PMM2: variants seen among roughly 807,000 people sequenced by gnomAD.
PMM2 encodes the protein mannose-6-phosphate isomerase.
PMM2 carries 35 observed loss-of-function variants against 33.2 expected under a neutral mutation model. The observed-to-expected ratio is 1.06, with a 90% CI of 0.81 to 1.40. PMM2 has a LOEUF of 1.40. PMM2 is among the 40% of genes most tolerant of loss of function. The probability of loss-of-function intolerance (pLI) is 0.00; values close to 1 mark genes in which losing one functional copy is unlikely to be tolerated. For synonymous variants in PMM2, 153 were observed against 114.7 expected (o/e 1.33, Z -2.13); for missense variants, 386 against 306.0 (o/e 1.26, Z -1.95).
intron 4 of PMM2, among the ~76,000 whole-genome samples, chr16:8,807,198 C>T (rs1256789668): frequency 6.9e-6 from 1 of 145,770 alleles, no homozygotes; most frequent in Admixed American, 6.9e-5. Context: ...GTAGAGATGG[C>T]ATTTCACTCT....
chr16:8,832,454 C>T, intron 7 of PMM2: 1 of 985,412 alleles, frequency 1.0e-6, no homozygotes, highest in African/African-American at 1.7e-5. Context: ...CACCTCCCCA[C>T]CAGCCCCCAG....
At chr16:8,801,746 C>G in intron 1 of PMM2, 53 bp from the exon 2 acceptor site, 1 of 1,114,290 alleles carries the variant, frequency 9.0e-7, no homozygotes, top group South Asian at 1.3e-5. Flanking sequence ...GAGTTTTGGT[C>G]TCCTGATTAT....
At chr16:8,828,318 A>T (rs1596497746) in intron 7 of PMM2, among the ~76,000 whole-genome samples, 2 of 152,234 alleles carry the variant, frequency 1.3e-5, no homozygotes, top group East Asian at 3.9e-4. Context: ...ATGGTGGGGA[A>T]AGAATCAATA....
intron 7 of PMM2, among the ~76,000 whole-genome samples, chr16:8,837,570 C>T (rs1030158085): frequency 6.7e-6 from 1 of 149,284 alleles, no homozygotes; most frequent in East Asian, 2.0e-4. Flanking sequence ...GGGGTTGGGG[C>T]ACGGAAATAA....
In PMM2 at chr16:8,847,888, GC is replaced by G; in HGVS notation, c.*65del. The G allele has an allele frequency of 7.7e-7, 1 of 1,294,512 alleles. No individual in the cohort carries two copies. Among genetic ancestry groups the G allele is most frequent in the Non-Finnish European group, 1.1e-6 (1 of 901,008 alleles). 80.2% of individuals were successfully genotyped at this position (1,294,512 alleles called of 1,614,324 possible). On this transcript the variant is annotated 3_prime_UTR_variant, in exon 8 of 8. Coordinates refer to ENST00000268261, the MANE Select transcript of PMM2 (RefSeq NM_000303.3). ...CAGCATAGGGCATTCGGTGGCCAGA[GC>G]CGAGGGTCCTCCCACACGTGCTCAC...
At chr16:8,834,131 C>CT in intron 7 of PMM2, among the ~76,000 whole-genome samples, 1 of 152,280 alleles carries the variant, frequency 6.6e-6, no homozygotes, top group South Asian at 2.1e-4. Context: ...TGGGCTGTAC[C>CT]TTGTAGCATT....
chr16:8,807,497 T>G (rs1362132127), intron 4 of PMM2: 3 of 152,362 alleles, frequency 2.0e-5, no homozygotes, highest in East Asian at 3.9e-4. Flanking sequence ...GTTTTTTGTT[T>G]TGTTTTGTTT....
intron 7 of PMM2, among the ~76,000 whole-genome samples, chr16:8,818,061 G>A (rs908046293): frequency 2.6e-5 from 4 of 151,982 alleles, no homozygotes; most frequent in African/African-American, 4.8e-5. Flanking sequence ...CCACCACCAC[G>A]CCCGGCTAAT....
chr16:8,804,042 T>TTTTTTG (rs1567157644), intron 2 of PMM2, among the ~76,000 whole-genome samples: 4 of 139,590 alleles, frequency 2.9e-5, no homozygotes, highest in East Asian at 2.0e-4. Context: ...TTTTTTTTTT[T>TTTTTTG]TTTTTTTTTG....
chr16:8,839,659 C>G (rs968267820), intron 7 of PMM2, among the ~76,000 whole-genome samples: 7 of 151,984 alleles, frequency 4.6e-5, no homozygotes, highest in Non-Finnish European at 1.0e-4. Flanking sequence ...TTAAGTTTGT[C>G]AGTATTGATA....
In PMM2 at chr16:8,797,948, G is replaced by C. The variant is rs768168991; in HGVS notation, c.66G>C (p.Gln22His). The change falls in exon 1 of 8, where the codon CAG (glutamine) becomes CAC (histidine). Residue 22 changes from glutamine to histidine, a missense_variant and splice_region_variant. By Grantham distance (24) the Gln-to-His change is conservative. Coordinates refer to ENST00000268261, the MANE Select transcript of PMM2 (RefSeq NM_000303.3). Reference protein sequence around the residue: ...DVDGTLTAPRQKITKEMDDFL... With the variant: ...DVDGTLTAPRHKITKEMDDFL... ...ATGGGACCCTCACCGCCCCGCGGCA[G>C]GTAAGTGGCGGCCGGCGGGCTGCTG... 6.2e-7 allele frequency: 1 copy of C among 1,601,648 alleles called. No homozygotes were observed. Among genetic ancestry groups the C allele is most frequent in the South Asian group, 1.1e-5 (1 of 89,096 alleles).
At chr16:8,800,307 G>C (rs1055621251) in intron 1 of PMM2, among the ~76,000 whole-genome samples, 11 of 149,412 alleles carry the variant, frequency 7.4e-5, no homozygotes, top group African/African-American at 2.7e-4. Flanking sequence ...GTTGCAATGA[G>C]CCGAGACCAC....
chr16:8,843,452 G>T (rs540283234), intron 7 of PMM2, among the ~76,000 whole-genome samples: 2 of 152,298 alleles, frequency 1.3e-5, no homozygotes, highest in African/African-American at 4.8e-5. Flanking sequence ...CCGATTTCCA[G>T]TGGGGTCCCG....
intron 7 of PMM2, chr16:8,832,238 C>A: frequency 2.0e-6 from 2 of 985,370 alleles, no homozygotes; most frequent in Non-Finnish European, 2.4e-6. Context: ...GAAAGGAAGG[C>A]CTGAGGCAGG....
At chr16:8,833,347 G>A (rs1189623402) in intron 7 of PMM2, among the ~76,000 whole-genome samples, 2 of 152,156 alleles carry the variant, frequency 1.3e-5, no homozygotes, top group South Asian at 2.1e-4. Context: ...TCACAATGGT[G>A]GGATGTCATC....
chr16:8,846,244 A>G (rs2060925038), intron 7 of PMM2, among the ~76,000 whole-genome samples: 1 of 151,918 alleles, frequency 6.6e-6, no homozygotes, highest in Non-Finnish European at 1.5e-5. Context: ...AAATGAAAAC[A>G]CTCATTTCCA....
chr16:8,837,671 C>T (rs2060859600), intron 7 of PMM2, among the ~76,000 whole-genome samples: 1 of 151,690 alleles, frequency 6.6e-6, no homozygotes, highest in Non-Finnish European at 1.5e-5. Context: ...TTACCCCTCC[C>T]CTAGAAAAGC....
At chr16:8,834,867 G>C (rs1414294874) in intron 7 of PMM2, among the ~76,000 whole-genome samples, 57 of 152,162 alleles carry the variant, frequency 3.7e-4, no homozygotes, top group African/African-American at 1.2e-3. Context: ...GAGAGATACA[G>C]TCATGGGGGT....
intron 7 of PMM2, chr16:8,842,062 C>T (rs1176187288): frequency 4.0e-5 from 6 of 149,852 alleles, no homozygotes; most frequent in Non-Finnish European, 7.4e-5. Flanking sequence ...GTTGTTTGGA[C>T]AGAAAGGCTA....
Sources: gnomAD v4.1 joint callset for allele counts (sites outside exome capture counted in the v4.1 genomes callset) on GRCh38, gnomAD v4.1.1 for gene constraint, MANE v1.5 for transcripts, NCBI Gene and HGNC (gene_info 2026-07-23, HGNC 2026-07-21) for gene names.